Variants in MFHAS1 observed in about 807,000 individuals in gnomAD.
MFHAS1 encodes malignant fibrous histiocytoma-amplified sequence 1.
Under a neutral mutation model 70.4 loss-of-function variants are expected in MFHAS1, and 50 were observed. The observed-to-expected ratio is 0.71, with a 90% confidence interval of 0.57 to 0.90. The LOEUF (loss-of-function observed/expected upper bound fraction) is 0.90, where lower values mean the gene tolerates loss of function less well. Ranked by LOEUF, MFHAS1 falls within the 40% of genes least tolerant of loss-of-function variation. MFHAS1 has a pLI of 0.00. For missense variants in MFHAS1, 1,795 were observed against 1,347.6 expected, an observed-to-expected ratio of 1.33 and a Z score of -5.20; for synonymous variants, 952 against 620.0, an observed-to-expected ratio of 1.54 and a Z score of -7.96.
At chr8:8,803,240 G>A (rs1274203801) in intron 1 of MFHAS1, among the ~76,000 whole-genome samples, 5 of 152,114 alleles carry the variant, frequency 3.3e-5, no homozygotes, top group Admixed American at 1.3e-4. Flanking sequence ...GCTGGACGTG[G>A]TGGCTCATGC....
chr8:8,809,259 C>G (rs557538514), intron 1 of MFHAS1, among the ~76,000 whole-genome samples: 1 of 152,080 alleles, frequency 6.6e-6, no homozygotes, highest in African/African-American at 2.4e-5. Flanking sequence ...ATAAAGTGCA[C>G]GACAAATGTA....
rs968148623 is a variant in MFHAS1 at position 8,893,426 on chromosome 8, G to A, written c.-368C>T. On this transcript the variant is annotated 5_prime_UTR_variant, in exon 1 of 3. Coordinates refer to ENST00000276282, the MANE Select transcript of MFHAS1 (RefSeq NM_004225.3). ...CGGCCCCGCTACCCTCGCAGCCGCGGTCCCGCGGCCGGCAGCGGCGTCGCC... is the reference window on the plus strand; with the variant it reads ...CGGCCCCGCTACCCTCGCAGCCGCGATCCCGCGGCCGGCAGCGGCGTCGCC... 1 of 145,616 alleles carries A rather than the reference G, an allele frequency of 6.9e-6. No homozygotes were observed. The highest frequency in any genetic ancestry group is 1.5e-5 in the Non-Finnish European group (1 of 65,494). 9.0% of individuals were successfully genotyped at this position (145,616 alleles called of 1,614,324 possible).
intron 1 of MFHAS1, among the ~76,000 whole-genome samples, chr8:8,862,013 A>T (rs532388367): frequency 6.6e-6 from 1 of 152,330 alleles, no homozygotes; most frequent in Non-Finnish European, 1.5e-5. Flanking sequence ...GTATCTTTTT[A>T]AAATGTATTT....
chr8:8,830,571 C>G (rs1239664272), intron 1 of MFHAS1, among the ~76,000 whole-genome samples: 1 of 152,186 alleles, frequency 6.6e-6, no homozygotes, highest in Admixed American at 6.5e-5. Context: ...TACCCAAGGT[C>G]ACCAAAGTTG....
At chr8:8,853,838 G>A (rs1409793265) in intron 1 of MFHAS1, among the ~76,000 whole-genome samples, 1 of 152,068 alleles carries the variant, frequency 6.6e-6, no homozygotes. Flanking sequence ...AGTACTAGGA[G>A]CCACCACCCC....
rs34608799 is a variant in MFHAS1, at chr8:8,785,387, A to AT, written c.*634dup. 8.9e-3 allele frequency: 1,340 copies of AT among 150,020 alleles called. 14 individuals are homozygous for AT. Among genetic ancestry groups the AT allele is most frequent in the East Asian group, 0.031 (159 of 5,138 alleles). 9.3% of individuals were successfully genotyped at this position (150,020 alleles called of 1,614,324 possible). On this transcript the variant is annotated 3_prime_UTR_variant, in exon 3 of 3. Transcript: ENST00000276282. ...ACTTAATCCATGGGCTAACAGAGAGATTTTTTTTTTAATGTGAAGAGGATT... is the reference window on the plus strand; with the variant it reads ...ACTTAATCCATGGGCTAACAGAGAGATTTTTTTTTTTAATGTGAAGAGGATT...
At chr8:8,861,313 T>TA (rs1808651633) in intron 1 of MFHAS1, among the ~76,000 whole-genome samples, 1 of 152,242 alleles carries the variant, frequency 6.6e-6, no homozygotes, top group Non-Finnish European at 1.5e-5. Context: ...ACTATACTTA[T>TA]GCCACGTGAA....
At chr8:8,849,278 G>C (rs1808153021) in intron 1 of MFHAS1, among the ~76,000 whole-genome samples, 2 of 151,858 alleles carry the variant, frequency 1.3e-5, no homozygotes, top group Non-Finnish European at 2.9e-5. Context: ...ACAGGGTTTT[G>C]CCATGTTGTT....
chr8:8,888,227 C>G (rs1402838539), intron 1 of MFHAS1, among the ~76,000 whole-genome samples: 1 of 152,144 alleles, frequency 6.6e-6, no homozygotes, highest in Non-Finnish European at 1.5e-5. Flanking sequence ...TTTTTTCATG[C>G]TTAAGAATTA....
chr8:8,893,180 C>T lies in MFHAS1; in HGVS notation c.-122G>A. On this transcript the variant is annotated 5_prime_UTR_variant, in exon 1 of 3. Coordinates refer to ENST00000276282, the MANE Select transcript of MFHAS1 (RefSeq NM_004225.3). The stretch of plus-strand genomic sequence containing the variant: ...CCTCCCGCGCTCGGCGGCCGGCGGC[C>T]GCGGGTCCTAGCGCAGCCAGCGGCC... 1 of 522,960 alleles carries T rather than the reference C, an allele frequency of 1.9e-6. No homozygotes were observed. The highest frequency in any genetic ancestry group is 6.4e-4 in the Middle Eastern group (1 of 1,570). The allele number at this position is 522,960 out of a possible 1,614,324, so 32.4% of individuals were successfully genotyped here.
chr8:8,844,800 A>C (rs1807966869), intron 1 of MFHAS1, among the ~76,000 whole-genome samples: 1 of 152,182 alleles, frequency 6.6e-6, no homozygotes, highest in Non-Finnish European at 1.5e-5. Flanking sequence ...GTTACCTGGC[A>C]CTACTACTAC....
chr8:8,802,286 A>G (rs1482402945), intron 1 of MFHAS1, among the ~76,000 whole-genome samples: 2 of 152,206 alleles, frequency 1.3e-5, no homozygotes, highest in African/African-American at 4.8e-5. Context: ...AGGACTGACT[A>G]AACTCATCAC....
chr8:8,855,333 C>T (rs1175859817), intron 1 of MFHAS1, among the ~76,000 whole-genome samples: 1 of 152,184 alleles, frequency 6.6e-6, no homozygotes, highest in Non-Finnish European at 1.5e-5. Context: ...TGGCATCTTA[C>T]CACAGGAGCT....
chr8:8,830,794 T>C (rs1177264294), intron 1 of MFHAS1, among the ~76,000 whole-genome samples: 2 of 152,166 alleles, frequency 1.3e-5, no homozygotes, highest in African/African-American at 2.4e-5. Flanking sequence ...GGCGGAGTTT[T>C]GCCATGTTGG....
chr8:8,829,637 C>T (rs991984196), intron 1 of MFHAS1, among the ~76,000 whole-genome samples: 5 of 152,174 alleles, frequency 3.3e-5, no homozygotes, highest in South Asian at 2.1e-4. Flanking sequence ...GCCGAGATCA[C>T]GCCACTGCAC....
At chr8:8,825,159 T>A (rs1807110286) in intron 1 of MFHAS1, among the ~76,000 whole-genome samples, 1 of 152,180 alleles carries the variant, frequency 6.6e-6, no homozygotes, top group Non-Finnish European at 1.5e-5. Context: ...CTGGAGAACT[T>A]AAAGAAAAGG....
chr8:8,837,307 T>G (rs1020683081), intron 1 of MFHAS1, among the ~76,000 whole-genome samples: 4 of 152,286 alleles, frequency 2.6e-5, no homozygotes, highest in African/African-American at 9.6e-5. Context: ...GCAAAGGAGT[T>G]GAATAGACAT....
At chr8:8,871,077 C>T (rs1287132506) in intron 1 of MFHAS1, among the ~76,000 whole-genome samples, 1 of 152,138 alleles carries the variant, frequency 6.6e-6, no homozygotes, top group African/African-American at 2.4e-5. Flanking sequence ...CTATTGCCTT[C>T]CTGAGAAGCA....
chr8:8,820,780 C>T (rs983019961), intron 1 of MFHAS1, among the ~76,000 whole-genome samples: 1 of 152,160 alleles, frequency 6.6e-6, no homozygotes, highest in African/African-American at 2.4e-5. Context: ...TCTGGCCAGG[C>T]AGTTAAAGGT....
Sources: gnomAD v4.1 joint callset for allele counts (sites outside exome capture counted in the v4.1 genomes callset) on GRCh38, gnomAD v4.1.1 for gene constraint, MANE v1.5 for transcripts, NCBI Gene and HGNC (gene_info 2026-07-23, HGNC 2026-07-21) for gene names.